The following TRHDE variants were observed in gnomAD, a reference collection of about 807,000 sequenced individuals.
TRHDE encodes thyrotropin-releasing hormone-degrading ectoenzyme.
Under a neutral mutation model 125.7 loss-of-function variants are expected in TRHDE, and 72 were observed. The ratio of observed to expected loss-of-function variants is 0.57; its 90% CI spans 0.47 to 0.70. The LOEUF is 0.70. TRHDE is among the 30% of genes least tolerant of loss of function. The pLI is 0.00. For missense variants in TRHDE, 1,110 were observed against 1,327.1 expected (o/e 0.84, Z 2.54); for synonymous variants, 509 against 509.1 (o/e 1.00, Z 0.00).
chr12:72,295,627 C>T (rs746406107), intron 2 of TRHDE, among the ~76,000 whole-genome samples: 4 of 152,134 alleles, frequency 2.6e-5, no homozygotes, highest in Non-Finnish European at 5.9e-5. Flanking sequence ...GACATATACA[C>T]ATAATGCACA....
At chr12:72,573,035 A>G (rs1381046758) in intron 10 of TRHDE, among the ~76,000 whole-genome samples, 1 of 151,996 alleles carries the variant, frequency 6.6e-6, no homozygotes, top group African/African-American at 2.4e-5. Flanking sequence ...AAATTTATCA[A>G]CTTAGCTCAA....
intron 3 of TRHDE, among the ~76,000 whole-genome samples, chr12:72,402,631 A>C (rs1873091165): frequency 2.0e-5 from 3 of 152,174 alleles, no homozygotes; most frequent in Admixed American, 2.0e-4. Flanking sequence ...TCCTGTGCAA[A>C]GACTATTTCC....
intron 4 of TRHDE, among the ~76,000 whole-genome samples, chr12:72,470,173 T>C (rs761611537): frequency 6.6e-6 from 1 of 152,232 alleles, no homozygotes; most frequent in Non-Finnish European, 1.5e-5. Flanking sequence ...GCAGCCTCTT[T>C]GGAGCCCCTA....
At chr12:72,348,619 A>G (rs917666538) in intron 2 of TRHDE, among the ~76,000 whole-genome samples, 2 of 152,048 alleles carry the variant, frequency 1.3e-5, no homozygotes, top group East Asian at 1.9e-4. Context: ...TCTTTCCCAG[A>G]TAGAGTAATT....
At chr12:72,531,045 T>C (rs928361095) in intron 6 of TRHDE, among the ~76,000 whole-genome samples, 17 of 152,100 alleles carry the variant, frequency 1.1e-4, no homozygotes, top group African/African-American at 3.9e-4. Context: ...TAACATTTTC[T>C]TCCCCAAAGC....
chr12:72,342,028 G>A (rs775396026), intron 2 of TRHDE, among the ~76,000 whole-genome samples: 24 of 151,808 alleles, frequency 1.6e-4, no homozygotes, highest in Non-Finnish European at 2.9e-4. Context: ...CATTGCTCAG[G>A]ATACAAATAT....
At chr12:72,467,714 C>G (rs1876449762) in intron 3 of TRHDE, among the ~76,000 whole-genome samples, 1 of 152,124 alleles carries the variant, frequency 6.6e-6, no homozygotes, top group Non-Finnish European at 1.5e-5. Context: ...ACTTGGGAGG[C>G]TGAGGCAACA....
chr12:72,302,818 TG>T (rs1868282431), intron 2 of TRHDE, among the ~76,000 whole-genome samples: 1 of 152,186 alleles, frequency 6.6e-6, no homozygotes, highest in African/African-American at 2.4e-5. Flanking sequence ...TACCACCCTT[TG>T]GAACAGGGTT....
intron 2 of TRHDE, among the ~76,000 whole-genome samples, chr12:72,164,573 A>G (rs572883809): frequency 6.6e-6 from 1 of 152,318 alleles, no homozygotes; most frequent in African/African-American, 2.4e-5. Flanking sequence ...CACCTTACAT[A>G]CAGTCCAGTG....
intron 10 of TRHDE, among the ~76,000 whole-genome samples, chr12:72,570,342 A>T (rs1475053052): frequency 6.6e-6 from 1 of 152,104 alleles, no homozygotes; most frequent in African/African-American, 2.4e-5. Flanking sequence ...GCACTTTGGG[A>T]GGCTGAGGCA....
intron 5 of TRHDE, among the ~76,000 whole-genome samples, chr12:72,474,006 A>G (rs1012759227): frequency 5.3e-5 from 8 of 152,120 alleles, no homozygotes; most frequent in African/African-American, 1.7e-4. Context: ...GCGATTATGT[A>G]TATATATACA....
At chr12:72,347,449 A>G (rs1870374604) in intron 2 of TRHDE, among the ~76,000 whole-genome samples, 1 of 152,122 alleles carries the variant, frequency 6.6e-6, no homozygotes, top group South Asian at 2.1e-4. Context: ...AGCAGCATTT[A>G]TGATCTCACA....
At chr12:72,233,009 A>G (rs1878275996) in intron 2 of TRHDE, among the ~76,000 whole-genome samples, 2 of 152,188 alleles carry the variant, frequency 1.3e-5, no homozygotes, top group Non-Finnish European at 2.9e-5. Context: ...CATGATCTTG[A>G]ATAGTGCCTC....
chr12:72,419,958 T>A (rs1336314436), intron 3 of TRHDE, among the ~76,000 whole-genome samples: 1 of 152,184 alleles, frequency 6.6e-6, no homozygotes, highest in Non-Finnish European at 1.5e-5. Context: ...AATGTCTCAT[T>A]TTCCAAAGAA....
At chr12:72,106,177 A>C (rs764883852) in intron 2 of TRHDE, among the ~76,000 whole-genome samples, 76 of 152,276 alleles carry the variant, frequency 5.0e-4, no homozygotes, top group Non-Finnish European at 9.7e-4. Flanking sequence ...GACATTTTTC[A>C]ATTTTTAAAA....
intron 6 of TRHDE, among the ~76,000 whole-genome samples, chr12:72,535,473 G>A (rs1592519819): frequency 6.6e-6 from 1 of 152,120 alleles, no homozygotes; most frequent in South Asian, 2.1e-4. Context: ...AGGACTCCAA[G>A]GCTCCAAGCA....
intron 10 of TRHDE, among the ~76,000 whole-genome samples, chr12:72,570,094 A>G (rs1870646027): frequency 6.6e-6 from 1 of 152,192 alleles, no homozygotes; most frequent in Admixed American, 6.5e-5. Flanking sequence ...GGTAGAATGG[A>G]AATGGGAAAA....
At chr12:72,534,243 T>C (rs931683324) in intron 6 of TRHDE, among the ~76,000 whole-genome samples, 2 of 152,162 alleles carry the variant, frequency 1.3e-5, no homozygotes, top group African/African-American at 4.8e-5. Context: ...GGAGACAAAG[T>C]CATGTGAAAC....
intron 3 of TRHDE, among the ~76,000 whole-genome samples, chr12:72,426,936 C>G (rs1874213949): frequency 6.6e-6 from 1 of 151,974 alleles, no homozygotes; most frequent in Non-Finnish European, 1.5e-5. Flanking sequence ...CTTAATCATT[C>G]TTACTTTAGT....
Sources: gnomAD v4.1 joint callset for allele counts (sites outside exome capture counted in the v4.1 genomes callset) on GRCh38, gnomAD v4.1.1 for gene constraint, MANE v1.5 for transcripts, NCBI Gene and HGNC (gene_info 2026-07-23, HGNC 2026-07-21) for gene names.